Variants in NISCH observed in about 807,000 individuals in gnomAD.
NISCH encodes the protein nischarin.
Under a neutral mutation model 138.4 loss-of-function variants are expected in NISCH, and 55 were observed. The ratio of observed to expected loss-of-function variants is 0.40; its 90% CI spans 0.32 to 0.50. The LOEUF (loss-of-function observed/expected upper bound fraction) is 0.50. NISCH is among the 20% of genes least tolerant of loss of function. The pLI is 0.71. For synonymous variants in NISCH, 860 were observed against 861.5 expected, an observed-to-expected ratio of 1.00 and a Z score of 0.03; for missense variants, 1,643 against 2,005.5, an observed-to-expected ratio of 0.82 and a Z score of 3.45.
intron 19 of NISCH, 53 bp downstream of exon 19, chr3:52,490,886 G>T: frequency 1.9e-6 from 3 of 1,607,088 alleles, no homozygotes; most frequent in Non-Finnish European, 2.6e-6. Context: ...AGCATCACCA[G>T]TGGGCTTCCA....
chr3:52,476,805 G>A (rs56326215), intron 8 of NISCH, among the ~76,000 whole-genome samples: 2,546 of 152,216 alleles, frequency 0.017, 62 homozygotes, highest in African/African-American at 0.047. Context: ...AGGCCGAGGC[G>A]GGAGGATCAC....
rs143786242 is a variant in NISCH, at chr3:52,482,488, G to A, written c.1529-2025G>A. 3.3e-3 allele frequency among the ~76,000 whole-genome samples: 499 copies of A among 152,330 alleles called. 2 individuals are homozygous for A. The highest frequency in any genetic ancestry group is 0.011 in the African/African-American group (457 of 41,580). On this transcript the variant is annotated intron_variant, in intron 13 of 20. Coordinates refer to ENST00000345716, the MANE Select transcript of NISCH (RefSeq NM_007184.4). Reference sequence around the variant, plus strand: ...AGCCAGGGCTCGGTCAGCTGAGTTCGCATGCCAGCTTCCTAGCTGTGGGAC... The same window carrying A: ...AGCCAGGGCTCGGTCAGCTGAGTTCACATGCCAGCTTCCTAGCTGTGGGAC...
At chr3:52,481,669 G>A in intron 13 of NISCH, 1 of 985,558 alleles carries the variant, frequency 1.0e-6, no homozygotes, top group Non-Finnish European at 1.2e-6. Context: ...GGCAGGTAGA[G>A]CAGGAGCCAG....
Position 52,476,543 on chromosome 3 carries a change from G to A in NISCH, c.862G>A (p.Ala288Thr), listed in dbSNP as rs1337233453. ...GACTGCCGTCATCCCCACTTGGCAGGCATTGACCACGCTTGACCTGAGCCA... is the reference window on the plus strand; with the variant it reads ...GACTGCCGTCATCCCCACTTGGCAGACATTGACCACGCTTGACCTGAGCCA... Reference protein sequence around the residue: ...PVTAVIPTWQALTTLDLSHNS... With the variant: ...PVTAVIPTWQTLTTLDLSHNS... Residue 288 changes from alanine to threonine, a missense_variant, in exon 8 of 21, where the codon GCA (alanine) becomes ACA (threonine). Ala to Thr is a moderately conservative substitution (Grantham distance 58). Coordinates refer to ENST00000345716, the MANE Select transcript of NISCH (RefSeq NM_007184.4). The A allele has an allele frequency of 4.3e-6, 7 of 1,614,130 alleles. No individual in the cohort carries two copies. In the South Asian group the frequency reaches 5.5e-5, roughly 13 times the overall value.
At chr3:52,481,272 A>C in intron 13 of NISCH, 1 of 1,056,762 alleles carries the variant, frequency 9.5e-7, no homozygotes, top group Non-Finnish European at 1.1e-6. Flanking sequence ...CAGCAGGGAC[A>C]GGAAGACTGG....
chr3:52,459,849 A>G lies in NISCH; in HGVS notation c.360+1005A>G, dbSNP rs148061664. Among the ~76,000 whole-genome samples, 1,460 of 152,142 alleles carry G rather than the reference A, an allele frequency of 9.6e-3. 14 individuals carry two copies. The highest frequency in any genetic ancestry group is 0.017 in the Middle Eastern group (5 of 294). ...AGTCATTCCAGGATTGTAACAAAATAGTAAGGACAACCCTAAAGTCTAGTA... is the reference window on the plus strand; with the variant it reads ...AGTCATTCCAGGATTGTAACAAAATGGTAAGGACAACCCTAAAGTCTAGTA... On this transcript the variant is annotated intron_variant, in intron 3 of 20. Coordinates refer to ENST00000345716, the MANE Select transcript of NISCH (RefSeq NM_007184.4).
chr3:52,481,746 C>A (rs1707281005), intron 13 of NISCH: 4 of 985,602 alleles, frequency 4.1e-6, no homozygotes, highest in Non-Finnish European at 4.8e-6. Flanking sequence ...GGCAGCCCCC[C>A]ACATTGTCGG....
chr3:52,488,569 C>G lies in NISCH; in HGVS notation c.3077C>G (p.Ser1026Cys). 1 of 1,612,274 alleles carries G rather than the reference C, an allele frequency of 6.2e-7. No homozygotes were observed. Among genetic ancestry groups the G allele is most frequent in the African/African-American group, 1.3e-5 (1 of 75,058 alleles). ...TPGTGGSPQG[S>C]FADGQPAERR... is the part of the protein sequence containing the mutation. ...GGGACGGGAGGCAGCCCCCAGGGCT[C>G]CTTTGCGGATGGCCAGCCTGCCGAG... The change falls in exon 16 of 21, where the codon TCC becomes TGC. Residue 1026 changes from serine to cysteine, a missense_variant. By Grantham distance (112) the Ser-to-Cys change is moderately radical. Transcript: ENST00000345716.
At chr3:52,459,568 G>A (rs1706573933) in intron 3 of NISCH, among the ~76,000 whole-genome samples, 1 of 151,932 alleles carries the variant, frequency 6.6e-6, no homozygotes, top group Non-Finnish European at 1.5e-5. Context: ...CGAGTAGCTG[G>A]GACTACAGAC....
In NISCH at chr3:52,491,999, C is replaced by A. The variant is rs1707577856; in HGVS notation, c.4032C>A (p.Ala1344=). 1 of 1,613,338 alleles carries A rather than the reference C, an allele frequency of 6.2e-7. No individual in the cohort carries two copies. Among genetic ancestry groups the A allele is most frequent in the African/African-American group, 1.3e-5 (1 of 74,950 alleles). ...QKMAEPEKAP[A]LSILLYVQAF... ...TGGCTGAGCCAGAGAAGGCCCCAGC[C>A]CTCAGCATCCTGCTGTACGTGCAGG... The change falls in exon 21 of 21, where the codon GCC becomes GCA. Residue 1344 remains alanine, a synonymous_variant. Transcript: ENST00000345716.
intron 13 of NISCH, among the ~76,000 whole-genome samples, chr3:52,483,420 C>T (rs989280272): frequency 6.6e-6 from 1 of 152,226 alleles, no homozygotes; most frequent in African/African-American, 2.4e-5. Flanking sequence ...CCAGTGTTCA[C>T]CCTGCTGGCG....
At position 52,478,158 on chromosome 3, in the gene NISCH, T is replaced by A. The variant is rs1244197134; in HGVS notation, c.1049T>A (p.Leu350His). The change falls in exon 10 of 21, where the codon CTT becomes CAT. Residue 350 changes from leucine (L) to histidine (H), a missense_variant. Leu to His is a moderately conservative substitution (Grantham distance 99). Transcript: ENST00000345716. ...SYNKLSSLEG[L>H]HTKLGNIKTL... ...AACAAGCTCTCCTCCTTGGAAGGGC[T>A]TCACACCAAGCTGGGGAACATCAAG... The A allele has an allele frequency of 6.8e-6, 11 of 1,614,106 alleles. No homozygotes were observed. Among genetic ancestry groups the A allele is most frequent in the Non-Finnish European group, 8.5e-6 (10 of 1,180,010 alleles).
intron 3 of NISCH, among the ~76,000 whole-genome samples, chr3:52,469,279 T>C (rs1375588909): frequency 7.5e-6 from 1 of 132,558 alleles, no homozygotes; most frequent in East Asian, 2.3e-4. Context: ...GATGTGGGGG[T>C]GGGGGGCTGA....
intron 3 of NISCH, among the ~76,000 whole-genome samples, chr3:52,464,513 T>TTG (rs1706724826): frequency 7.5e-6 from 1 of 132,564 alleles, no homozygotes; most frequent in Non-Finnish European, 1.6e-5. Context: ...ATTCTGTGAG[T>TTG]TGTCTTTTTT....
intron 3 of NISCH, 194 bp from the exon 4 acceptor site, chr3:52,470,665 T>C: frequency 1.6e-6 from 1 of 611,974 alleles, no homozygotes; most frequent in Non-Finnish European, 2.9e-6. Context: ...ACATTTCAGG[T>C]ATCCACATAA....
intron 15 of NISCH, among the ~76,000 whole-genome samples, chr3:52,486,074 G>A (rs1055181975): frequency 4.6e-5 from 7 of 152,236 alleles, no homozygotes; most frequent in Non-Finnish European, 1.0e-4. Context: ...AGGCCTGTGT[G>A]TGGCCCACAG....
intron 16 of NISCH, 148 bp from the exon 17 acceptor site, chr3:52,489,188 C>G: frequency 1.0e-6 from 1 of 953,736 alleles, no homozygotes. Flanking sequence ...CCGTGCTGTT[C>G]TGTTCTCCAA....
intron 13 of NISCH, 36 bp from the exon 14 acceptor site, chr3:52,484,477 C>A: frequency 7.1e-7 from 1 of 1,404,400 alleles, no homozygotes; most frequent in Non-Finnish European, 9.5e-7. Flanking sequence ...GCCCCACCCA[C>A]CCTGCCTGCC....
intron 13 of NISCH, chr3:52,480,608 G>C: frequency 7.0e-7 from 1 of 1,430,070 alleles, no homozygotes. Context: ...GTTGGCTCAT[G>C]GGACCCATTC....
Sources: allele counts gnomAD v4.1 joint callset (sites outside exome capture counted in the v4.1 genomes callset), GRCh38; gene constraint gnomAD v4.1.1; transcripts MANE v1.5; gene names NCBI Gene and HGNC (gene_info 2026-07-23, HGNC 2026-07-21).